Variants in PDE4D observed in about 807,000 individuals in gnomAD.
PDE4D encodes 3',5'-cyclic-AMP phosphodiesterase 4D.
Under a neutral mutation model 87.4 loss-of-function variants are expected in PDE4D, and 24 were observed. That is an observed-to-expected ratio of 0.27 (90% CI 0.20 to 0.39). The LOEUF is 0.39. Ranked by LOEUF, PDE4D falls within the 10% of genes least tolerant of loss-of-function variation. PDE4D has a pLI of 1.00. For synonymous variants in PDE4D, 384 were observed against 383.2 expected (o/e 1.00, Z -0.02); for missense variants, 714 against 1,041.0 (o/e 0.69, Z 4.32).
At chr5:60,356,435 A>G (rs1454692678) in intron 1 of PDE4D, among the ~76,000 whole-genome samples, 1 of 152,198 alleles carries the variant, frequency 6.6e-6, no homozygotes, top group East Asian at 1.9e-4. Flanking sequence ...TTATTTTTAT[A>G]TAATTTATGA....
At chr5:59,363,500 G>T (rs1194131285) in intron 1 of PDE4D, among the ~76,000 whole-genome samples, 1 of 152,192 alleles carries the variant, frequency 6.6e-6, no homozygotes, top group East Asian at 1.9e-4. Context: ...AATGAAAAAG[G>T]TCAGGTCACC....
At chr5:59,705,031 A>T (rs1318734523) in intron 1 of PDE4D, among the ~76,000 whole-genome samples, 1 of 152,200 alleles carries the variant, frequency 6.6e-6, no homozygotes, top group Non-Finnish European at 1.5e-5. Context: ...GACAACTATC[A>T]GGGATAAACA....
chr5:59,046,763 A>G (rs1041180979), intron 5 of PDE4D, among the ~76,000 whole-genome samples: 1 of 152,218 alleles, frequency 6.6e-6, no homozygotes, highest in Non-Finnish European at 1.5e-5. Flanking sequence ...ATAAGAGAAG[A>G]GTCAAAGAAA....
chr5:60,264,905 A>T (rs1750026320), intron 1 of PDE4D, among the ~76,000 whole-genome samples: 1 of 152,204 alleles, frequency 6.6e-6, no homozygotes, highest in Non-Finnish European at 1.5e-5. Flanking sequence ...TCATTCATTT[A>T]TCCAACAGAT....
chr5:59,694,411 G>C lies in PDE4D; in HGVS notation c.455+198757C>G, dbSNP rs568606495. Among the ~76,000 whole-genome samples the C allele has an allele frequency of 3.9e-5, 6 of 152,196 alleles. No homozygotes were observed. The East Asian group carries it at 1.2e-3, about 29-fold the overall frequency. On this transcript the variant is annotated intron_variant, in intron 1 of 14. Transcript: ENST00000340635. ...TGCGCAGTGAGCCTCTGTTCTTAAAGGAATCTTATTTTAATCTTCTTGGGA... is the reference window on the plus strand; with the variant it reads ...TGCGCAGTGAGCCTCTGTTCTTAAACGAATCTTATTTTAATCTTCTTGGGA...
At chr5:59,787,162 C>T (rs1342560243) in intron 1 of PDE4D, among the ~76,000 whole-genome samples, 1 of 152,170 alleles carries the variant, frequency 6.6e-6, no homozygotes, top group Non-Finnish European at 1.5e-5. Context: ...CTTGAATAAC[C>T]TTGATTTCTT....
At chr5:59,161,760 G>A (rs138642475) in intron 5 of PDE4D, among the ~76,000 whole-genome samples, 1 of 152,068 alleles carries the variant, frequency 6.6e-6, no homozygotes, top group African/African-American at 2.4e-5. Flanking sequence ...CTCAATTTCC[G>A]TTTTCCCCCT....
chr5:60,310,785 T>C (rs1160934124), intron 1 of PDE4D, among the ~76,000 whole-genome samples: 2 of 152,244 alleles, frequency 1.3e-5, no homozygotes, highest in Admixed American at 6.5e-5. Context: ...CTCTACTTTC[T>C]CTTACTCTCT....
chr5:59,844,462 T>C (rs147095423), intron 1 of PDE4D, among the ~76,000 whole-genome samples: 141 of 152,270 alleles, frequency 9.3e-4, no homozygotes, highest in African/African-American at 3.2e-3. Context: ...CAAATATTCT[T>C]TGTAAACAGG....
Position 59,797,768 on chromosome 5 carries a change from G to A in PDE4D, c.455+95400C>T, listed in dbSNP as rs1368694900. ...GTTTAAGCATACCCTCTCTTCATAG[G>A]GATTATTGGAGCCTAGAAGAGTGCA... On this transcript the variant is annotated intron_variant, in intron 1 of 14. Transcript: ENST00000340635. 3.3e-5 allele frequency among the ~76,000 whole-genome samples: 5 copies of A among 151,864 alleles called. No individual in the cohort carries two copies. In the East Asian group the frequency reaches 9.7e-4, roughly 29 times the overall value.
At chr5:60,381,987 T>C (rs374978664) in intron 1 of PDE4D, among the ~76,000 whole-genome samples, 2 of 152,204 alleles carry the variant, frequency 1.3e-5, no homozygotes, top group African/African-American at 4.8e-5. Flanking sequence ...AGATTCTGTT[T>C]AATTTTATAT....
chr5:58,970,418 T>G lies in PDE4D; in HGVS notation c.*4246A>C, dbSNP rs1032028067. 6.6e-6 allele frequency: 1 copy of G among 152,176 alleles called. No homozygotes were observed. Among genetic ancestry groups the G allele is most frequent in the Admixed American group, 6.5e-5 (1 of 15,270 alleles). 9.4% of individuals were successfully genotyped at this position (152,176 alleles called of 1,614,324 possible). A position where few individuals can be genotyped will look rare whatever the true frequency, so the allele number is the denominator to read the frequency against. Reference sequence around the variant, plus strand: ...GCTCATTTTTCCTAGAAAAAGAATCTTTCCTTTCACTGAAAAGCCACATGA... The same window carrying G: ...GCTCATTTTTCCTAGAAAAAGAATCGTTCCTTTCACTGAAAAGCCACATGA... On this transcript the variant is annotated 3_prime_UTR_variant, in exon 15 of 15. Coordinates refer to ENST00000340635, the MANE Select transcript of PDE4D (RefSeq NM_001104631.2).
intron 1 of PDE4D, among the ~76,000 whole-genome samples, chr5:60,298,386 A>G (rs1272018420): frequency 6.6e-6 from 1 of 152,228 alleles, no homozygotes; most frequent in Non-Finnish European, 1.5e-5. Flanking sequence ...ACACATCCCT[A>G]GAGAAATTTC....
intron 10 of PDE4D, 42 bp from the exon 11 acceptor site, chr5:58,988,634 T>A (rs1384929252): frequency 1.2e-6 from 1 of 820,038 alleles, no homozygotes; most frequent in Non-Finnish European, 1.8e-6. Flanking sequence ...TATTCTACAA[T>A]GATATGAATT....
Position 59,383,995 on chromosome 5 carries a change from C to T in PDE4D, c.456-168027G>A, listed in dbSNP as rs372282284. Among the ~76,000 whole-genome samples, 9 of 152,232 alleles carry T rather than the reference C, an allele frequency of 5.9e-5. No homozygotes were observed. In the South Asian group the frequency reaches 1.0e-3, roughly 18 times the overall value. ...TCTCAACTTCCTGGACTCAAGCAAT[C>T]CTCCTGCCTCAGCTTTCCAAGTAGC... On this transcript the variant is annotated intron_variant, in intron 1 of 14. Transcript: ENST00000340635.
chr5:59,769,236 A>G (rs1763202158), intron 1 of PDE4D, among the ~76,000 whole-genome samples: 1 of 152,142 alleles, frequency 6.6e-6, no homozygotes, highest in African/African-American at 2.4e-5. Flanking sequence ...CAAACAAACA[A>G]AAGGTTTCAA....
At chr5:59,953,436 GA>G (rs1758503263) in intron 3 of PDE4D, among the ~76,000 whole-genome samples, 3 of 151,796 alleles carry the variant, frequency 2.0e-5, no homozygotes, top group Non-Finnish European at 4.4e-5. Flanking sequence ...TGTTTCATAG[GA>G]AAAAAATAAT....
chr5:59,299,273 G>A lies in PDE4D; in HGVS notation c.456-83305C>T, dbSNP rs141836153. Among the ~76,000 whole-genome samples, 822 of 152,282 alleles carry A rather than the reference G, an allele frequency of 5.4e-3. 4 individuals carry two copies. The highest frequency in any genetic ancestry group is 0.02 in the South Asian group (96 of 4,830). ...AGCAGGTGATGGATGAAGAGTTGGT[G>A]AAAAGCACCCCAGCTTCCTCATCTC... On this transcript the variant is annotated intron_variant, in intron 1 of 14. Coordinates refer to ENST00000340635, the MANE Select transcript of PDE4D (RefSeq NM_001104631.2).
intron 2 of PDE4D, among the ~76,000 whole-genome samples, chr5:60,093,917 G>C (rs1416921380): frequency 6.6e-6 from 1 of 152,068 alleles, no homozygotes; most frequent in African/African-American, 2.4e-5. Context: ...AATTATCTAT[G>C]GATGGTGAAA....
Sources: allele counts gnomAD v4.1 joint callset (sites outside exome capture counted in the v4.1 genomes callset), GRCh38; gene constraint gnomAD v4.1.1; transcripts MANE v1.5; gene names NCBI Gene and HGNC (gene_info 2026-07-23, HGNC 2026-07-21).